Variants in DCLK2 observed in about 807,000 individuals in gnomAD.
The protein encoded by DCLK2 is serine/threonine-protein kinase DCLK2.
In DCLK2, 31 loss-of-function variants were observed where a neutral mutation model predicts 78.4. That is an observed-to-expected ratio of 0.40 (90% CI 0.30 to 0.53). The LOEUF is 0.53. Among genes scored for constraint, DCLK2 ranks in the 20% least tolerant of loss-of-function variants. The pLI is 0.61. For missense variants in DCLK2, 872 were observed against 973.7 expected, an observed-to-expected ratio of 0.90 and a Z score of 1.39; for synonymous variants, 407 against 374.9, an observed-to-expected ratio of 1.09 and a Z score of -0.99.
At chr4:150,243,411 C>T (rs1046703865) in intron 12 of DCLK2, among the ~76,000 whole-genome samples, 23 of 151,516 alleles carry the variant, frequency 1.5e-4, no homozygotes, top group Admixed American at 1.1e-3. Flanking sequence ...TGGCATACAG[C>T]GACATTCTGG....
At position 150,244,649 on chromosome 4, in the gene DCLK2, T is replaced by C. The variant is rs1447499499; in HGVS notation, c.1779-2954T>C. 3.9e-5 allele frequency among the ~76,000 whole-genome samples: 6 copies of C among 152,374 alleles called. No homozygotes were observed. In the East Asian group the frequency reaches 1.2e-3, roughly 29 times the overall value. Reference sequence around the variant, plus strand: ...AGGATCTCAGCCAGATTGTGGAGTATCAATGCGATACCGGATCCAGTGTGG... The same window carrying C: ...AGGATCTCAGCCAGATTGTGGAGTACCAATGCGATACCGGATCCAGTGTGG... On this transcript the variant is annotated intron_variant, in intron 12 of 15. Coordinates refer to ENST00000296550, the MANE Select transcript of DCLK2 (RefSeq NM_001040260.4).
In DCLK2 at chr4:150,094,885, A is replaced by G. The variant is rs1416842219; in HGVS notation, c.422-7593A>G. On this transcript the variant is annotated intron_variant, in intron 1 of 15. Coordinates refer to ENST00000296550, the MANE Select transcript of DCLK2 (RefSeq NM_001040260.4). ...GTTTTCAGAGTCATTTGTGAAATCA[A>G]AACACCTTACCCACATGTTCAGTTC... Among the ~76,000 whole-genome samples, 5 of 152,320 alleles carry G rather than the reference A, an allele frequency of 3.3e-5. No homozygotes were observed. In the East Asian group the frequency reaches 9.7e-4, roughly 29 times the overall value.
chr4:150,224,587 A>G, intron 8 of DCLK2, 29 bp downstream of exon 8: 1 of 1,575,426 alleles, frequency 6.3e-7, no homozygotes, highest in East Asian at 2.3e-5. Context: ...CTAGTTCTGA[A>G]AGAAACTAGA....
chr4:150,119,067 C>T (rs376214306), intron 2 of DCLK2, among the ~76,000 whole-genome samples: 10 of 124,280 alleles, frequency 8.0e-5, no homozygotes, highest in South Asian at 7.2e-4. Context: ...ATAATAATAA[C>T]AATTGTGTTA....
intron 2 of DCLK2, among the ~76,000 whole-genome samples, chr4:150,131,761 C>G (rs918982449): frequency 6.6e-6 from 1 of 152,152 alleles, no homozygotes; most frequent in Non-Finnish European, 1.5e-5. Flanking sequence ...CTTGTTGCAT[C>G]TTGGCAGGTC....
chr4:150,223,791 T>C (rs1358916470), intron 7 of DCLK2, among the ~76,000 whole-genome samples: 1 of 150,172 alleles, frequency 6.7e-6, no homozygotes, highest in African/African-American at 2.5e-5. Flanking sequence ...AAGATTCTTA[T>C]ATCCATGCGA....
At chr4:150,222,709 AC>A (rs994419302) in intron 7 of DCLK2, among the ~76,000 whole-genome samples, 5 of 151,750 alleles carry the variant, frequency 3.3e-5, no homozygotes, top group Admixed American at 6.6e-5. Flanking sequence ...AAAAAAAAAA[AC>A]AAAAAAAATT....
chr4:150,218,030 G>A (rs1740858746), intron 5 of DCLK2, among the ~76,000 whole-genome samples: 1 of 152,244 alleles, frequency 6.6e-6, no homozygotes, highest in East Asian at 1.9e-4. Flanking sequence ...CCCATGCCAT[G>A]CTCGCTGTTG....
chr4:150,229,972 CGTTT>C (rs1230854786), intron 8 of DCLK2, among the ~76,000 whole-genome samples: 1 of 152,080 alleles, frequency 6.6e-6, no homozygotes, highest in Non-Finnish European at 1.5e-5. Context: ...AAATAGATAA[CGTTT>C]GTAACGATTT....
chr4:150,147,760 G>A (rs1420020298), intron 2 of DCLK2, among the ~76,000 whole-genome samples: 1 of 152,194 alleles, frequency 6.6e-6, no homozygotes, highest in Admixed American at 6.5e-5. Flanking sequence ...ACAATCCACT[G>A]TATACTCCAT....
At chr4:150,099,324 G>A (rs956787574) in intron 1 of DCLK2, among the ~76,000 whole-genome samples, 1 of 152,222 alleles carries the variant, frequency 6.6e-6, no homozygotes, top group Non-Finnish European at 1.5e-5. Flanking sequence ...CTCCCAAAGG[G>A]CTGGGATTAC....
At chr4:150,164,750 G>A (rs996831427) in intron 2 of DCLK2, among the ~76,000 whole-genome samples, 8 of 152,146 alleles carry the variant, frequency 5.3e-5, no homozygotes, top group African/African-American at 1.9e-4. Flanking sequence ...AGTGAGCTGA[G>A]ATTGTGCCAC....
chr4:150,112,830 G>A (rs184407409), intron 2 of DCLK2, among the ~76,000 whole-genome samples: 67 of 108,466 alleles, frequency 6.2e-4, no homozygotes, highest in Non-Finnish European at 9.1e-4. Context: ...CCCCCGCCCC[G>A]GACAGAGTCT....
chr4:150,242,251 G>A (rs1742980675), intron 12 of DCLK2, among the ~76,000 whole-genome samples: 1 of 152,196 alleles, frequency 6.6e-6, no homozygotes. Flanking sequence ...CAGAGCATGA[G>A]GGAGTGCTTA....
intron 4 of DCLK2, chr4:150,198,921 C>A (rs552440759): frequency 5.0e-6 from 3 of 605,952 alleles, no homozygotes; most frequent in South Asian, 4.6e-5. Context: ...CCCCCCCCCC[C>A]ACTTTCTGTA....
At chr4:150,166,278 G>C (rs7680670) in intron 2 of DCLK2, among the ~76,000 whole-genome samples, 44,067 of 151,850 alleles carry the variant, frequency 0.29, 6,750 homozygotes, top group South Asian at 0.49. Context: ...TTACCTGAGC[G>C]CAGGAGTTCA....
intron 2 of DCLK2, among the ~76,000 whole-genome samples, chr4:150,104,541 A>G (rs1055360611): frequency 1.3e-5 from 2 of 152,080 alleles, no homozygotes; most frequent in African/African-American, 4.8e-5. Flanking sequence ...TAACTAAAGC[A>G]CATGCAACTA....
intron 2 of DCLK2, chr4:150,175,499 T>C (rs960538722): frequency 3.9e-5 from 6 of 151,984 alleles, no homozygotes; most frequent in Admixed American, 1.3e-4. Context: ...GGTCGGAGAA[T>C]TGGGACTCAC....
intron 4 of DCLK2, chr4:150,198,918 C>T: frequency 1.6e-6 from 1 of 606,098 alleles, no homozygotes; most frequent in Non-Finnish European, 2.8e-6. Context: ...GCACCCCCCC[C>T]CCCACTTTCT....
Sources: gnomAD v4.1 joint callset for allele counts (sites outside exome capture counted in the v4.1 genomes callset) on GRCh38, gnomAD v4.1.1 for gene constraint, MANE v1.5 for transcripts, NCBI Gene and HGNC (gene_info 2026-07-23, HGNC 2026-07-21) for gene names.